The following MTR variants were observed in gnomAD, a reference collection of about 807,000 sequenced individuals.
MTR encodes 5-methyltetrahydrofolate-homocysteine methyltransferase.
A neutral mutation model predicts 154.8 loss-of-function variants in MTR; 84 were observed. That is an observed-to-expected ratio of 0.54 (90% CI 0.45 to 0.65). MTR has a LOEUF of 0.65. MTR is among the 30% of genes least tolerant of loss of function. The pLI is 0.00. For missense variants in MTR, 1,275 were observed against 1,570.2 expected (o/e 0.81, Z 3.18); for synonymous variants, 554 against 553.9 (o/e 1.00, Z 0.00).
At chr1:236,865,706 G>A (rs932610879) in intron 22 of MTR, among the ~76,000 whole-genome samples, 1 of 152,134 alleles carries the variant, frequency 6.6e-6, no homozygotes, top group Admixed American at 6.6e-5. Flanking sequence ...AACTAAGGAT[G>A]TATTCACCAA....
At chr1:236,874,875 A>T in intron 24 of MTR, 29 bp downstream of exon 24, 2 of 1,611,718 alleles carry the variant, frequency 1.2e-6, no homozygotes, top group Non-Finnish European at 1.7e-6. Context: ...CTTTGTCCTC[A>T]CTTCAAATTT....
In MTR at chr1:236,876,089, G is replaced by A. The variant is rs183079081; in HGVS notation, c.2594+1243G>A. Reference sequence around the variant, plus strand: ...ATAATGTGCTTTACTTAGGTCTACTGATAAATGTTAATCACATCAAAAAAA... The same window carrying A: ...ATAATGTGCTTTACTTAGGTCTACTAATAAATGTTAATCACATCAAAAAAA... On this transcript the variant is annotated intron_variant, in intron 24 of 32. Transcript: ENST00000366577. Among the ~76,000 whole-genome samples the A allele has an allele frequency of 1.3e-3, 201 of 152,272 alleles. 1 individual carries two copies. Among genetic ancestry groups the A allele is most frequent in the Non-Finnish European group, 3.2e-4 (22 of 68,018 alleles).
In MTR at chr1:236,826,838, A is replaced by G. The variant is rs1315441819; in HGVS notation, c.937A>G (p.Met313Val). Residue 313 changes from methionine to valine, a missense_variant, in exon 11 of 33, where the codon ATG becomes GTG. By Grantham distance (21) the Met-to-Val change is conservative. Coordinates refer to ENST00000366577, the MANE Select transcript of MTR (RefSeq NM_000254.3). The stretch of plus-strand genomic sequence containing the variant: ...CTCTTCCTAAATGCAGGATTTTGCT[A>G]TGGATGGCTTGGTCAATATAGTTGG... ...MMAKHLKDFA[M>V]DGLVNIVGGC... 8 of 1,614,150 alleles carry G rather than the reference A, an allele frequency of 5.0e-6. No homozygotes were observed. The highest frequency in any genetic ancestry group is 1.1e-5 in the South Asian group (1 of 91,086).
At position 236,839,675 on chromosome 1, in the gene MTR, A is replaced by G. The variant is rs1572242723; in HGVS notation, c.1515+1076A>G. On this transcript the variant is annotated intron_variant, in intron 15 of 32. Transcript: ENST00000366577. Reference sequence around the variant, plus strand: ...ATTTTGGTACCTATTTAAAACCACTAAAAAATCTATTTCTTATGATTAAGC... The same window carrying G: ...ATTTTGGTACCTATTTAAAACCACTGAAAAATCTATTTCTTATGATTAAGC... 5.9e-5 allele frequency among the ~76,000 whole-genome samples: 9 copies of G among 152,300 alleles called. 1 individual carries two copies. In the South Asian group the frequency reaches 1.9e-3, roughly 32 times the overall value.
At chr1:236,808,254 G>A (rs569487042) in intron 3 of MTR, among the ~76,000 whole-genome samples, 1 of 152,234 alleles carries the variant, frequency 6.6e-6, no homozygotes, top group East Asian at 1.9e-4. Context: ...CAGAATTACT[G>A]ATCCCAACTG....
intron 1 of MTR, chr1:236,799,972 A>C: frequency 1.2e-6 from 1 of 827,558 alleles, no homozygotes; most frequent in Non-Finnish European, 1.5e-6. Flanking sequence ...AACAAACAAG[A>C]TGCCAGAATT....
chr1:236,821,515 G>A (rs931486149), intron 8 of MTR, among the ~76,000 whole-genome samples: 2 of 152,174 alleles, frequency 1.3e-5, no homozygotes, highest in Admixed American at 6.5e-5. Flanking sequence ...CCTGTGGTTT[G>A]TCTTCTCATG....
rs571506163 is a variant in MTR, at chr1:236,795,679, C to G, written c.-25C>G. The G allele has an allele frequency of 4.1e-5, 66 of 1,613,966 alleles. No individual in the cohort carries two copies. The South Asian group carries it at 7.0e-4, about 17-fold the overall frequency. ...GAGCACGTCTTCTCTGCCGCGCCCT[C>G]TGCGCAAGGAGGAGACTCGACAACA... On this transcript the variant is annotated 5_prime_UTR_variant, in exon 1 of 33. Coordinates refer to ENST00000366577, the MANE Select transcript of MTR (RefSeq NM_000254.3).
At chr1:236,808,087 C>T (rs1281655375) in intron 3 of MTR, among the ~76,000 whole-genome samples, 1 of 152,184 alleles carries the variant, frequency 6.6e-6, no homozygotes, top group Non-Finnish European at 1.5e-5. Context: ...CTAGTTTCTC[C>T]TGACTTGGTC....
intron 12 of MTR, among the ~76,000 whole-genome samples, chr1:236,830,996 A>G (rs1662578156): frequency 6.6e-6 from 1 of 152,188 alleles, no homozygotes; most frequent in South Asian, 2.1e-4. Flanking sequence ...TATGGGTGCT[A>G]ATTCTGTGCC....
intron 22 of MTR, among the ~76,000 whole-genome samples, chr1:236,864,095 A>G (rs985720111): frequency 6.6e-6 from 1 of 152,176 alleles, no homozygotes; most frequent in Non-Finnish European, 1.5e-5. Context: ...TCTTATTATA[A>G]TTAATAAATA....
intron 29 of MTR, among the ~76,000 whole-genome samples, chr1:236,892,680 C>G (rs1357171528): frequency 6.6e-6 from 1 of 152,098 alleles, no homozygotes; most frequent in African/African-American, 2.4e-5. Flanking sequence ...CTGTATGCGC[C>G]CAGGCTCGGA....
intron 1 of MTR, among the ~76,000 whole-genome samples, chr1:236,799,600 A>G (rs1272842521): frequency 4.6e-5 from 7 of 152,072 alleles, no homozygotes; most frequent in Non-Finnish European, 8.8e-5. Context: ...TGTAAACTCT[A>G]GTCTATAGGT....
intron 18 of MTR, among the ~76,000 whole-genome samples, chr1:236,855,338 A>G (rs771498058): frequency 1.3e-5 from 2 of 152,150 alleles, no homozygotes; most frequent in Non-Finnish European, 2.9e-5. Context: ...TTTGAAAAAC[A>G]ATTTTCCTAA....
rs1666857319 is a variant in MTR, at chr1:236,900,161, T to C, written c.*2517T>C. On this transcript the variant is annotated 3_prime_UTR_variant, in exon 33 of 33. Transcript: ENST00000366577. ...TAGTTAATAACTGGAAAAAGTGAAATGTATGTCTGTCTACAGGAAAATAGG... is the reference window on the plus strand; with the variant it reads ...TAGTTAATAACTGGAAAAAGTGAAACGTATGTCTGTCTACAGGAAAATAGG... 4.9e-6 allele frequency: 2 copies of C among 407,564 alleles called. No homozygotes were observed. Among genetic ancestry groups the C allele is most frequent in the Admixed American group, 2.8e-5 (1 of 35,670 alleles). 25.2% of individuals were successfully genotyped at this position (407,564 alleles called of 1,614,324 possible). A position where few individuals can be genotyped will look rare whatever the true frequency, so the allele number is the denominator to read the frequency against.
At chr1:236,818,354 G>T (rs1277633713) in intron 8 of MTR, among the ~76,000 whole-genome samples, 2 of 152,152 alleles carry the variant, frequency 1.3e-5, no homozygotes, top group Non-Finnish European at 1.5e-5. Context: ...CCTCTGTGTT[G>T]TCCTGGGTGT....
chr1:236,897,310 G>GCGCGCGCGCGCA, intron 32 of MTR, among the ~76,000 whole-genome samples, 192 bp downstream of exon 32: 17 of 128,682 alleles, frequency 1.3e-4, no homozygotes, highest in South Asian at 5.5e-4. Context: ...CCACACACAC[G>GCGCGCGCGCGCA]CACACACACA....
At chr1:236,863,343 C>T in intron 21 of MTR, 111 bp from the exon 22 acceptor site, 1 of 846,640 alleles carries the variant, frequency 1.2e-6, no homozygotes, top group South Asian at 1.4e-5. Context: ...CTTTGAGGTG[C>T]TCTTGGTTGT....
intron 31 of MTR, among the ~76,000 whole-genome samples, chr1:236,896,631 G>T (rs551952529): frequency 6.6e-6 from 1 of 152,314 alleles, no homozygotes; most frequent in Non-Finnish European, 1.5e-5. Context: ...TGGCCGCACA[G>T]AGCCGGTGGA....
Sources: allele counts gnomAD v4.1 joint callset (sites outside exome capture counted in the v4.1 genomes callset), GRCh38; gene constraint gnomAD v4.1.1; transcripts MANE v1.5; gene names NCBI Gene and HGNC (gene_info 2026-07-23, HGNC 2026-07-21).